MICAL2: variants seen among roughly 807,000 people sequenced by gnomAD.
MICAL2 encodes the protein microtubule associated monooxygenase, calponin and LIM domain containing 2.
MICAL2 carries 77 observed loss-of-function variants against 127.3 expected under a neutral mutation model. The ratio of observed to expected loss-of-function variants is 0.60; its 90% CI spans 0.50 to 0.73. The LOEUF (loss-of-function observed/expected upper bound fraction) is 0.73. Ranked by LOEUF, MICAL2 falls within the 30% of genes least tolerant of loss-of-function variation. The probability of loss-of-function intolerance (pLI) is 0.00; values close to 1 mark genes in which losing one functional copy is unlikely to be tolerated. For missense variants in MICAL2, 1,351 were observed against 1,434.4 expected (o/e 0.94, Z 0.94); for synonymous variants, 570 against 551.1 (o/e 1.03, Z -0.48).
At chr11:12,295,455 TTTC>T (rs1478908359), downstream of MICAL2, among the ~76,000 whole-genome samples, 2 of 102,416 alleles carry the variant, frequency 2.0e-5, no homozygotes, top group Non-Finnish European at 5.0e-5. Context: ...TTTTTTTTTT[TTTC>T]TTTTTTTTTA....
chr11:12,161,852 G>T, intron 2 of MICAL2: 1 of 419,614 alleles, frequency 2.4e-6, no homozygotes, highest in Non-Finnish European at 4.4e-6. Flanking sequence ...TTTTCAGCCA[G>T]CAAGAGGAGC....
At chr11:12,191,566 C>A (rs1214352963) in intron 3 of MICAL2, among the ~76,000 whole-genome samples, 2 of 151,640 alleles carry the variant, frequency 1.3e-5, no homozygotes, top group Non-Finnish European at 2.9e-5. Context: ...GAGTTTGATA[C>A]CAGCCTGGGT....
chr11:12,327,046 A>G (rs1864360892), intron 31 of MICAL2: 2 of 771,320 alleles, frequency 2.6e-6, no homozygotes, highest in African/African-American at 3.4e-5. Flanking sequence ...GTCCTTGCCT[A>G]GTTATTCAAG....
downstream of MICAL2, chr11:12,293,660 G>C (rs374842895): frequency 3.7e-6 from 6 of 1,614,000 alleles, no homozygotes; most frequent in African/African-American, 6.7e-5. Flanking sequence ...AGCACCCAGG[G>C]AAATTCCCCT....
At chr11:12,313,469 A>G (rs1452531364) in intron 29 of MICAL2, among the ~76,000 whole-genome samples, 1 of 152,124 alleles carries the variant, frequency 6.6e-6, no homozygotes, top group African/African-American at 2.4e-5. Flanking sequence ...GCTTAATTCC[A>G]CTGTTATCCA....
Position 12,260,330 on chromosome 11 carries a change from A to G in MICAL2, c.3334+433A>G. 2.8e-6 allele frequency: 4 copies of G among 1,412,970 alleles called. No individual in the cohort carries two copies. In the African/African-American group the frequency reaches 5.8e-5, roughly 20 times the overall value. The allele number at this position is 1,412,970 out of a possible 1,614,324, so 87.5% of individuals were successfully genotyped here. On this transcript the variant is annotated intron_variant, in intron 26 of 27. Coordinates refer to ENST00000683283, the MANE Select transcript of MICAL2 (RefSeq NM_001282663.2). The stretch of plus-strand genomic sequence containing the variant: ...ACATGGGCCACCTCCGCCTGGCCTT[A>G]TCAGGGTGAACATCTACTCACGGTG...
At chr11:12,293,500 C>T, downstream of MICAL2, 1 of 1,516,382 alleles carries the variant, frequency 6.6e-7, no homozygotes, top group Non-Finnish European at 8.9e-7. Flanking sequence ...GATTTGCTTT[C>T]ATCATATAAA....
intron 16 of MICAL2, 34 bp downstream of exon 16, chr11:12,236,279 T>C: frequency 6.2e-7 from 1 of 1,602,970 alleles, no homozygotes; most frequent in Non-Finnish European, 8.5e-7. Flanking sequence ...AAACAGAGGC[T>C]CGTTTCCTGA....
intron 29 of MICAL2, among the ~76,000 whole-genome samples, chr11:12,316,518 T>C (rs962332540): frequency 5.3e-5 from 8 of 152,138 alleles, no homozygotes; most frequent in Non-Finnish European, 1.0e-4. Flanking sequence ...TTTTGTGTAC[T>C]GCAACTTTAC....
chr11:12,356,432 G>A (rs1272631093), intron 34 of MICAL2, among the ~76,000 whole-genome samples: 1 of 152,200 alleles, frequency 6.6e-6, no homozygotes, highest in Non-Finnish European at 1.5e-5. Flanking sequence ...CAGGGTGACT[G>A]GCAAGTAATG....
intron 6 of MICAL2, among the ~76,000 whole-genome samples, chr11:12,210,907 C>G (rs184237345): frequency 6.6e-6 from 1 of 152,230 alleles, no homozygotes; most frequent in Non-Finnish European, 1.5e-5. Flanking sequence ...TCTGGCCCCC[C>G]AGACACTGGC....
At chr11:12,274,347 C>G (rs891611816), upstream of MICAL2, 1 of 152,164 alleles carries the variant, frequency 6.6e-6, no homozygotes, top group African/African-American at 2.4e-5. Flanking sequence ...CCAGGTACCA[C>G]CCTAGCAACA....
At chr11:12,145,316 C>G (rs1485959) in intron 2 of MICAL2, among the ~76,000 whole-genome samples, 72,588 of 152,008 alleles carry the variant, frequency 0.48, 17,965 homozygotes, top group South Asian at 0.68. Context: ...TTGGCATAAA[C>G]GAAGTTACCC....
Position 12,162,254 on chromosome 11 carries a change from C to T in MICAL2, c.99C>T (p.Asn33=). 6.2e-7 allele frequency: 1 copy of T among 1,614,254 alleles called. No individual in the cohort carries two copies. The highest frequency in any genetic ancestry group is 8.5e-7 in the Non-Finnish European group (1 of 1,180,044). Residue 33 remains asparagine (N), a synonymous_variant, in exon 3 of 28, where the codon AAC becomes AAT. Coordinates refer to ENST00000683283, the MANE Select transcript of MICAL2 (RefSeq NM_001282663.2). ...STCKGTLQAF[N]ILTRHLDLDP... ...GCAAAGGTACCCTCCAGGCCTTCAACATTCTCACACGACACCTGGACCTAG... is the reference window on the plus strand; with the variant it reads ...GCAAAGGTACCCTCCAGGCCTTCAATATTCTCACACGACACCTGGACCTAG...
At chr11:12,346,260 G>A (rs1014750159) in intron 32 of MICAL2, among the ~76,000 whole-genome samples, 3 of 152,150 alleles carry the variant, frequency 2.0e-5, no homozygotes, top group South Asian at 4.1e-4. Context: ...TCTACCATGT[G>A]TATTGTATGA....
chr11:12,143,474 G>C (rs1852553228), intron 2 of MICAL2, among the ~76,000 whole-genome samples: 2 of 152,240 alleles, frequency 1.3e-5, no homozygotes, highest in African/African-American at 4.8e-5. Flanking sequence ...CCAGCTGCCT[G>C]ATGGATGTTT....
chr11:12,322,090 C>T lies in MICAL2; in HGVS notation c.5329-1888C>T, dbSNP rs557015611. Among the ~76,000 whole-genome samples, 5 of 151,864 alleles carry T rather than the reference C, an allele frequency of 3.3e-5. 1 individual carries two copies. The highest frequency in any genetic ancestry group is 2.6e-4 in the Admixed American group (4 of 15,210). ...TCCTCTCTGAGTTTTTATTTCCTTA[C>T]CTATAATGTAAGTGCAATTTGAGGA... On this transcript the variant is annotated intron_variant, in intron 30 of 34. Transcript: ENST00000646065.
intron 3 of MICAL2, among the ~76,000 whole-genome samples, chr11:12,171,951 CT>C (rs1219153017): frequency 6.6e-6 from 1 of 152,108 alleles, no homozygotes; most frequent in African/African-American, 2.4e-5. Context: ...AGATATTTTG[CT>C]TTTTGTATAT....
At chr11:12,317,793 A>G (rs990462396) in intron 29 of MICAL2, among the ~76,000 whole-genome samples, 1 of 146,944 alleles carries the variant, frequency 6.8e-6, no homozygotes, top group Admixed American at 6.8e-5. Context: ...CTCCGTCTCA[A>G]AAAAAAAAAA....
Sources: allele counts gnomAD v4.1 joint callset (sites outside exome capture counted in the v4.1 genomes callset), GRCh38; gene constraint gnomAD v4.1.1; transcripts MANE v1.5; gene names NCBI Gene and HGNC (gene_info 2026-07-23, HGNC 2026-07-21).